PPP2R2A: variants seen among roughly 807,000 people sequenced by gnomAD.
The protein encoded by PPP2R2A is serine/threonine-protein phosphatase 2A 55 kDa regulatory subunit B alpha isoform.
In PPP2R2A, 9 loss-of-function variants were observed where a neutral mutation model predicts 53.2. The ratio of observed to expected loss-of-function variants is 0.17; its 90% CI spans 0.10 to 0.30. The LOEUF is 0.30. Ranked by LOEUF, PPP2R2A falls within the 10% of genes least tolerant of loss-of-function variation. The pLI is 1.00. For missense variants in PPP2R2A, 235 were observed against 534.6 expected (o/e 0.44, Z 5.53); for synonymous variants, 169 against 174.2 (o/e 0.97, Z 0.23).
At position 26,371,361 on chromosome 8, in the gene PPP2R2A, T is replaced by TG. The variant is rs1282010556; in HGVS notation, c.*948_*949insG. 6.5e-4 allele frequency: 99 copies of TG among 151,926 alleles called. 2 individuals are homozygous for TG. The highest frequency in any genetic ancestry group is 2.3e-3 in the African/African-American group (97 of 41,500). 9.4% of individuals were successfully genotyped at this position (151,926 alleles called of 1,614,324 possible). ...CAATCTATAAATGCTACTAGTTTTT[T>TG]TTTTTTTTTTTACCATCATGAGGGT... On this transcript the variant is annotated 3_prime_UTR_variant, in exon 10 of 10. Transcript: ENST00000380737.
intron 3 of PPP2R2A, among the ~76,000 whole-genome samples, chr8:26,353,266 T>C (rs1585396373): frequency 6.6e-6 from 1 of 152,208 alleles, no homozygotes; most frequent in Admixed American, 6.5e-5. Context: ...TTGTGGGACA[T>C]GTATTCTTAA....
At chr8:26,311,226 T>C (rs1419266011) in intron 2 of PPP2R2A, among the ~76,000 whole-genome samples, 1 of 152,216 alleles carries the variant, frequency 6.6e-6, no homozygotes, top group African/African-American at 2.4e-5. Context: ...GAACATTTAA[T>C]TGATGTAGTT....
At chr8:26,368,181 G>T (rs1239084715) in intron 9 of PPP2R2A, among the ~76,000 whole-genome samples, 1 of 152,178 alleles carries the variant, frequency 6.6e-6, no homozygotes, top group East Asian at 1.9e-4. Flanking sequence ...AAGAAATACA[G>T]TTTTGTCATC....
chr8:26,298,259 G>A (rs1801629474), intron 2 of PPP2R2A, among the ~76,000 whole-genome samples: 2 of 152,116 alleles, frequency 1.3e-5, no homozygotes, highest in African/African-American at 2.4e-5. Flanking sequence ...GTATTAAAGG[G>A]TTTAGGATGA....
intron 9 of PPP2R2A, among the ~76,000 whole-genome samples, chr8:26,368,798 C>A (rs1335443296): frequency 1.3e-5 from 2 of 152,142 alleles, no homozygotes; most frequent in Middle Eastern, 3.4e-3. Flanking sequence ...CAGAGTGAAA[C>A]CCTGTCTTGA....
chr8:26,306,121 C>T (rs1802009558), intron 2 of PPP2R2A, among the ~76,000 whole-genome samples: 1 of 149,498 alleles, frequency 6.7e-6, no homozygotes, highest in African/African-American at 2.5e-5. Flanking sequence ...TGCAGTGAGC[C>T]GAGATCGTGT....
In PPP2R2A at chr8:26,354,427, A is replaced by G; in HGVS notation, c.181-41A>G. The G allele has an allele frequency of 7.1e-7, 1 of 1,417,754 alleles. No homozygotes were observed. The highest frequency in any genetic ancestry group is 1.4e-5 in the African/African-American group (1 of 69,436). The allele number at this position is 1,417,754 out of a possible 1,614,324, so 87.8% of individuals were successfully genotyped here. ...ATTACATATTTGATTATTTTGAAAT[A>G]TTTTTCAACAATGGTCCATATATTT... On this transcript the variant is annotated intron_variant, in intron 3 of 9. Coordinates refer to ENST00000380737, the MANE Select transcript of PPP2R2A (RefSeq NM_002717.4). This position sits in a 1 kb window ranked among gnomAD's most constrained non-coding sequence, Gnocchi z 4.6.
At chr8:26,293,362 T>G in intron 1 of PPP2R2A, 1 of 1,261,402 alleles carries the variant, frequency 7.9e-7, no homozygotes, top group South Asian at 1.3e-5. Flanking sequence ...TTTACTTTTT[T>G]TCTGGTAGGT....
intron 2 of PPP2R2A, among the ~76,000 whole-genome samples, chr8:26,317,175 C>T (rs1344039495): frequency 6.6e-6 from 1 of 152,198 alleles, no homozygotes; most frequent in East Asian, 1.9e-4. Context: ...TAGGTCCAGC[C>T]ACAGGAGCTT....
intron 3 of PPP2R2A, among the ~76,000 whole-genome samples, chr8:26,345,389 A>G (rs1279564224): frequency 1.3e-5 from 2 of 152,232 alleles, no homozygotes; most frequent in Non-Finnish European, 1.5e-5. Flanking sequence ...CTCGATGTAG[A>G]TAATTCAGTA....
intron 2 of PPP2R2A, among the ~76,000 whole-genome samples, chr8:26,324,626 T>A (rs1179342902): frequency 6.6e-6 from 1 of 151,748 alleles, no homozygotes; most frequent in African/African-American, 2.4e-5. Flanking sequence ...ACAGAGTCCC[T>A]ACTGGGGCAT....
chr8:26,309,703 A>G (rs990800148), intron 2 of PPP2R2A, among the ~76,000 whole-genome samples: 1 of 152,156 alleles, frequency 6.6e-6, no homozygotes, highest in Non-Finnish European at 1.5e-5. Context: ...TAAGAGGCCC[A>G]TAGGGTAATT....
intron 3 of PPP2R2A, chr8:26,350,562 G>T (rs1273002527): frequency 6.6e-6 from 1 of 152,014 alleles, no homozygotes; most frequent in Non-Finnish European, 1.5e-5. Flanking sequence ...TGCAACACTT[G>T]ACTAATTTTT....
rs546958391 is a variant in PPP2R2A at position 26,327,525 on chromosome 8, A to G, written c.83-11365A>G. Among the ~76,000 whole-genome samples, 3 of 152,322 alleles carry G rather than the reference A, an allele frequency of 2.0e-5. No individual in the cohort carries two copies. The East Asian group carries it at 5.8e-4, about 29-fold the overall frequency. On this transcript the variant is annotated intron_variant, in intron 2 of 9. Transcript: ENST00000380737. The stretch of plus-strand genomic sequence containing the variant: ...GGGCGTTACAATAAAACGTTCTTAA[A>G]TCCTGAATATCACACATTTCTGGGA...
chr8:26,347,881 G>C (rs10503785), intron 3 of PPP2R2A, among the ~76,000 whole-genome samples: 35,641 of 152,018 alleles, frequency 0.23, 5,054 homozygotes, highest in Non-Finnish European at 0.31. Flanking sequence ...CATTAGTTTA[G>C]AGAAAGTTTT....
At chr8:26,333,039 A>G (rs2117306910) in intron 2 of PPP2R2A, among the ~76,000 whole-genome samples, 1 of 152,358 alleles carries the variant, frequency 6.6e-6, no homozygotes, top group Middle Eastern at 3.4e-3. Flanking sequence ...TATAAAGATT[A>G]AGAGAGAATA....
intron 2 of PPP2R2A, among the ~76,000 whole-genome samples, chr8:26,332,622 C>T (rs1803444710): frequency 6.6e-6 from 1 of 152,104 alleles, no homozygotes; most frequent in South Asian, 2.1e-4. Flanking sequence ...GTAGGGATTA[C>T]AGTGCTTTCT....
intron 2 of PPP2R2A, among the ~76,000 whole-genome samples, chr8:26,337,095 G>T (rs1308519349): frequency 6.6e-6 from 1 of 152,036 alleles, no homozygotes; most frequent in Non-Finnish European, 1.5e-5. Context: ...GGGCAACTCG[G>T]CCCATTATTC....
chr8:26,316,756 CAAGGGCTTTCTCT>C (rs767751373), intron 2 of PPP2R2A, among the ~76,000 whole-genome samples: 53 of 152,162 alleles, frequency 3.5e-4, no homozygotes, highest in Non-Finnish European at 6.3e-4. Flanking sequence ...ATAGAAGGGA[CAAGGGCTTTCTCT>C]TAGGTCTCTT....
Sources: gnomAD v4.1 joint callset for allele counts (sites outside exome capture counted in the v4.1 genomes callset) on GRCh38, gnomAD v4.1.1 for gene constraint, Gnocchi (gnomAD v3.1) non-coding constraint, MANE v1.5 for transcripts, NCBI Gene and HGNC (gene_info 2026-07-23, HGNC 2026-07-21) for gene names.